HERC3: variants seen among roughly 807,000 people sequenced by gnomAD.
The protein encoded by HERC3 is HECT and RLD domain containing E3 ubiquitin protein ligase 3, also known as probable E3 ubiquitin-protein ligase HERC3.
In HERC3, 58 loss-of-function variants were observed where a neutral mutation model predicts 129.9. That is an observed-to-expected ratio of 0.45 (90% CI 0.36 to 0.56). HERC3 has a LOEUF of 0.56. Among genes scored for constraint, HERC3 ranks in the 20% least tolerant of loss-of-function variants. The pLI, the probability that HERC3 is intolerant of heterozygous loss-of-function variation, is 0.00. For missense variants in HERC3, 835 were observed against 1,244.2 expected (o/e 0.67, Z 4.95); for synonymous variants, 430 against 451.0 (o/e 0.95, Z 0.59).
At chr4:88,633,271 A>G (rs1401960299) in intron 3 of HERC3, among the ~76,000 whole-genome samples, 1 of 152,238 alleles carries the variant, frequency 6.6e-6, no homozygotes, top group Non-Finnish European at 1.5e-5. Flanking sequence ...CAGAAGGAAT[A>G]GTGGCACATC....
chr4:88,531,863 G>A, the HERC3 span, among the ~76,000 whole-genome samples: 8 of 152,122 alleles, frequency 5.3e-5, no homozygotes, highest in Non-Finnish European at 1.0e-4. Context: ...TCTTAGCACA[G>A]GGCAGCTGTG....
intron 3 of HERC3, among the ~76,000 whole-genome samples, chr4:88,621,961 C>A (rs1358249824): frequency 1.3e-5 from 2 of 152,198 alleles, no homozygotes; most frequent in African/African-American, 4.8e-5. Context: ...CACTGTGACA[C>A]ATTTTTGTTT....
chr4:88,642,257 A>G (rs1390191069), intron 3 of HERC3, among the ~76,000 whole-genome samples: 5 of 152,190 alleles, frequency 3.3e-5, no homozygotes, highest in Non-Finnish European at 7.3e-5. Context: ...TCTGCTTTAA[A>G]CAATAGGAAA....
chr4:88,689,065 C>T (rs112148228), intron 23 of HERC3, among the ~76,000 whole-genome samples: 12 of 152,102 alleles, frequency 7.9e-5, no homozygotes, highest in East Asian at 1.9e-4. Flanking sequence ...GCTGTTTGTA[C>T]GCATGCAGGA....
chr4:88,569,977 G>A, the HERC3 span, among the ~76,000 whole-genome samples: 1 of 152,224 alleles, frequency 6.6e-6, no homozygotes, highest in African/African-American at 2.4e-5. Context: ...GTCCAGTGCA[G>A]TGCCCACTTC....
intron 18 of HERC3, 109 bp from the exon 19 acceptor site, chr4:88,677,855 A>G (rs1732333592): frequency 5.6e-6 from 5 of 897,912 alleles, no homozygotes; most frequent in Non-Finnish European, 8.5e-6. Flanking sequence ...GAAAAAAATT[A>G]ACAAAATGGA....
the HERC3 span, among the ~76,000 whole-genome samples, chr4:88,572,537 G>A: frequency 6.6e-6 from 1 of 152,094 alleles, no homozygotes; most frequent in African/African-American, 2.4e-5. Context: ...TTGGCCGAGT[G>A]TGGTGGCTCA....
chr4:88,623,314 A>G (rs917255461), intron 3 of HERC3, among the ~76,000 whole-genome samples: 1 of 152,226 alleles, frequency 6.6e-6, no homozygotes, highest in African/African-American at 2.4e-5. Flanking sequence ...CGTTGCCTCT[A>G]GGAAGCTGTC....
intron 12 of HERC3, among the ~76,000 whole-genome samples, chr4:88,665,145 T>G (rs1430793225): frequency 6.6e-6 from 1 of 152,060 alleles, no homozygotes; most frequent in Non-Finnish European, 1.5e-5. Flanking sequence ...AGGAGAGAGA[T>G]AAATAGATAG....
At chr4:88,620,348 C>G (rs1725376943) in intron 3 of HERC3, among the ~76,000 whole-genome samples, 1 of 152,176 alleles carries the variant, frequency 6.6e-6, no homozygotes. Flanking sequence ...ATATTCAAAG[C>G]AACACTGTTT....
intron 11 of HERC3, among the ~76,000 whole-genome samples, chr4:88,663,408 G>A (rs954539669): frequency 2.0e-5 from 3 of 152,030 alleles, no homozygotes; most frequent in African/African-American, 7.2e-5. Flanking sequence ...GGGCTTGCTG[G>A]GGTCCAGCAA....
the HERC3 span, among the ~76,000 whole-genome samples, chr4:88,560,077 A>G: frequency 1.3e-5 from 2 of 151,198 alleles, no homozygotes; most frequent in Non-Finnish European, 2.9e-5. Flanking sequence ...CTCCTGCCTC[A>G]GCCTCCCAAG....
At chr4:88,666,557 TTA>T (rs1271141014) in intron 12 of HERC3, among the ~76,000 whole-genome samples, 1 of 152,228 alleles carries the variant, frequency 6.6e-6, no homozygotes. Flanking sequence ...TTAGAAACTC[TTA>T]TGTTTTCAAA....
At chr4:88,618,352 T>C (rs776403194) in intron 3 of HERC3, among the ~76,000 whole-genome samples, 4 of 152,170 alleles carry the variant, frequency 2.6e-5, no homozygotes, top group Non-Finnish European at 4.4e-5. Context: ...ATTTGCAGTG[T>C]AGAGATATTA....
intron 25 of HERC3, among the ~76,000 whole-genome samples, chr4:88,704,863 C>CTTTCTTTTT (rs1336673525): frequency 7.7e-6 from 1 of 130,672 alleles, no homozygotes; most frequent in Non-Finnish European, 1.6e-5. Context: ...TTCTTTCTTT[C>CTTTCTTTTT]TTTTTTTTTT....
chr4:88,642,550 G>A (rs899277160), intron 3 of HERC3, among the ~76,000 whole-genome samples: 8 of 152,202 alleles, frequency 5.3e-5, no homozygotes, highest in African/African-American at 1.7e-4. Context: ...CAGTTCTGGA[G>A]GCTGGAAACT....
At chr4:88,695,231 A>C (rs1734482774) in intron 23 of HERC3, among the ~76,000 whole-genome samples, 1 of 152,140 alleles carries the variant, frequency 6.6e-6, no homozygotes, top group South Asian at 2.1e-4. Flanking sequence ...CTTTACCTTA[A>C]GGTTGTTTGT....
intron 8 of HERC3, among the ~76,000 whole-genome samples, 186 bp from the exon 9 acceptor site, chr4:88,655,689 A>G (rs1244095350): frequency 6.6e-6 from 1 of 152,158 alleles, no homozygotes; most frequent in African/African-American, 2.4e-5. Flanking sequence ...CACCCTCCTC[A>G]TGATCTAGAG....
At chr4:88,651,910 T>G in intron 4 of HERC3, 102 bp from the exon 5 acceptor site, 1 of 878,082 alleles carries the variant, frequency 1.1e-6, no homozygotes, top group Non-Finnish European at 1.9e-6. Context: ...TTAGGCAAGA[T>G]GGTGTTATTT....
Sources: allele counts gnomAD v4.1 joint callset (sites outside exome capture counted in the v4.1 genomes callset), GRCh38; gene constraint gnomAD v4.1.1; transcripts MANE v1.5; gene names NCBI Gene and HGNC (gene_info 2026-07-23, HGNC 2026-07-21).